The following CRB1 variants were observed in gnomAD, a reference collection of about 807,000 sequenced individuals.
CRB1 encodes crumbs cell polarity complex component 1, also known as protein crumbs homolog 1.
A neutral mutation model predicts 120.0 loss-of-function variants in CRB1; 83 were observed. The ratio of observed to expected loss-of-function variants is 0.69; its 90% CI spans 0.58 to 0.83. CRB1 has a LOEUF of 0.83. Among genes scored for constraint, CRB1 ranks in the 40% least tolerant of loss-of-function variants. The pLI is 0.00. For synonymous variants in CRB1, 625 were observed against 612.5 expected, an observed-to-expected ratio of 1.02 and a Z score of -0.30; for missense variants, 1,699 against 1,687.6, an observed-to-expected ratio of 1.01 and a Z score of -0.12.
Position 197,421,802 on chromosome 1 carries a change from C to G in CRB1, c.1974C>G (p.Ile658Met). Residue 658 changes from isoleucine (I) to methionine (M), a missense_variant, in exon 6 of 12, where the codon ATC becomes ATG. Coordinates refer to ENST00000367400, the MANE Select transcript of CRB1 (RefSeq NM_201253.3). ...IDWNHITLENISSGSSLNVKA... is the reference protein window; with the variant it reads ...IDWNHITLENMSSGSSLNVKA... ...GGAATCACATTACCCTGGAGAACAT[C>G]TCGTCTGGCTCATCATTAAATGTCA... 1 of 1,614,180 alleles carries G rather than the reference C, an allele frequency of 6.2e-7. No homozygotes were observed. Among genetic ancestry groups the G allele is most frequent in the Non-Finnish European group, 8.5e-7 (1 of 1,180,030 alleles).
chr1:197,271,736 C>T (rs1388224236), intron 1 of CRB1, among the ~76,000 whole-genome samples: 1 of 151,886 alleles, frequency 6.6e-6, no homozygotes, highest in Non-Finnish European at 1.5e-5. Context: ...CTTTTTGGGA[C>T]CTTGATGTAT....
At chr1:197,268,534 T>G in intron 1 of CRB1, 52 bp downstream of exon 1, 1 of 1,275,510 alleles carries the variant, frequency 7.8e-7, no homozygotes, top group Non-Finnish European at 1.1e-6. Flanking sequence ...TGGCTTATTA[T>G]ATTTCTTACA....
At chr1:197,266,280 G>A (rs2125191918), upstream of CRB1, among the ~76,000 whole-genome samples, 1 of 152,224 alleles carries the variant, frequency 6.6e-6, no homozygotes, top group East Asian at 1.9e-4. Flanking sequence ...CAAGGTACCA[G>A]CAAATTTGGT....
At chr1:197,353,539 G>T (rs556145633) in intron 4 of CRB1, among the ~76,000 whole-genome samples, 2 of 152,154 alleles carry the variant, frequency 1.3e-5, no homozygotes, top group African/African-American at 4.8e-5. Context: ...GGTGGCTCAC[G>T]CCTGTAATCC....
chr1:197,306,764 G>C (rs1657196630), intron 1 of CRB1, among the ~76,000 whole-genome samples: 2 of 152,202 alleles, frequency 1.3e-5, no homozygotes, highest in East Asian at 3.9e-4. Flanking sequence ...AAGTCAAGTA[G>C]AGAGGGGTCT....
At chr1:197,360,879 TA>T (rs554447308) in intron 5 of CRB1, among the ~76,000 whole-genome samples, 7 of 152,260 alleles carry the variant, frequency 4.6e-5, no homozygotes, top group Non-Finnish European at 1.0e-4. Flanking sequence ...TTCAGTCTTT[TA>T]CCATTAGCTA....
rs752824817 is a variant in CRB1 at position 197,427,497 on chromosome 1, T to A, written c.2172T>A (p.Tyr724Ter). 1 of 1,613,994 alleles carries A rather than the reference T, an allele frequency of 6.2e-7. No homozygotes were observed. The highest frequency in any genetic ancestry group is 2.2e-5 in the East Asian group (1 of 44,878). The change falls in exon 7 of 12, where the codon TAT (tyrosine) becomes TAA (stop). Residue 724 changes from tyrosine (Y) to a stop codon, truncating the protein, a stop_gained. Transcript: ENST00000367400. LOFTEE classifies it high-confidence loss of function. ...TTGGCCAGGATGACTCCACTGGTTA[T>A]GTCATCTTTACTCTTGATGAGAGCT... ...GRFGQDDSTGYVIFTLDESYG... is the reference protein window; with the variant it reads ...GRFGQDDSTG
At chr1:197,287,807 T>C (rs762612632) in intron 1 of CRB1, among the ~76,000 whole-genome samples, 2 of 151,870 alleles carry the variant, frequency 1.3e-5, no homozygotes, top group Non-Finnish European at 2.9e-5. Context: ...TTTACAATTA[T>C]ATTCTGAAGA....
chr1:197,437,386 C>T (rs1665215698), intron 9 of CRB1, among the ~76,000 whole-genome samples: 1 of 152,054 alleles, frequency 6.6e-6, no homozygotes, highest in African/African-American at 2.4e-5. Context: ...AATTCAGGAT[C>T]AAATTTAGTA....
chr1:197,376,588 C>T (rs997097270), intron 5 of CRB1, among the ~76,000 whole-genome samples: 14 of 152,122 alleles, frequency 9.2e-5, no homozygotes, highest in African/African-American at 2.7e-4. Context: ...TTGTTGGCTT[C>T]TCCTTTAAGC....
At chr1:197,268,149 A>C (rs1248114561), upstream of CRB1, 10 of 440,628 alleles carry the variant, frequency 2.3e-5, no homozygotes, top group South Asian at 1.9e-4. Flanking sequence ...TTGAGGGGGG[A>C]ATGAATCCAA....
At chr1:197,294,295 C>T (rs1158482520) in intron 1 of CRB1, among the ~76,000 whole-genome samples, 1 of 152,012 alleles carries the variant, frequency 6.6e-6, no homozygotes, top group East Asian at 1.9e-4. Flanking sequence ...TTTCTGCAGC[C>T]AACAGACACA....
intron 5 of CRB1, among the ~76,000 whole-genome samples, chr1:197,370,651 G>T (rs1489397251): frequency 2.6e-5 from 4 of 152,132 alleles, no homozygotes; most frequent in Non-Finnish European, 4.4e-5. Context: ...CAAAACCTCT[G>T]GGATACAGCA....
At chr1:197,327,161 A>G (rs1201841798) in intron 1 of CRB1, among the ~76,000 whole-genome samples, 12 of 148,650 alleles carry the variant, frequency 8.1e-5, no homozygotes, top group African/African-American at 2.5e-4. Context: ...GAGGCAGAGC[A>G]GGCCTGGTAC....
intron 11 of CRB1, among the ~76,000 whole-genome samples, chr1:197,450,497 G>A (rs1351054194): frequency 6.6e-6 from 1 of 152,072 alleles, no homozygotes; most frequent in Non-Finnish European, 1.5e-5. Context: ...AGTGAGCATA[G>A]TAACCCAACA....
intron 4 of CRB1, among the ~76,000 whole-genome samples, chr1:197,356,566 A>C (rs993776010): frequency 1.3e-5 from 2 of 152,248 alleles, no homozygotes; most frequent in Non-Finnish European, 2.9e-5. Context: ...AATCCAGGTT[A>C]TCCTGACATC....
At chr1:197,298,892 G>A (rs1349749266) in intron 1 of CRB1, among the ~76,000 whole-genome samples, 1 of 151,658 alleles carries the variant, frequency 6.6e-6, no homozygotes, top group Non-Finnish European at 1.5e-5. Flanking sequence ...TTAATTACAT[G>A]GGAAAAGCAA....
intron 10 of CRB1, chr1:197,440,262 C>G (rs1336558029): frequency 6.6e-6 from 1 of 152,202 alleles, no homozygotes; most frequent in East Asian, 1.9e-4. Context: ...CTCTGCCACT[C>G]ACACATTGTT....
intron 5 of CRB1, among the ~76,000 whole-genome samples, chr1:197,377,558 T>C (rs1661713888): frequency 6.6e-6 from 1 of 152,222 alleles, no homozygotes; most frequent in South Asian, 2.1e-4. Flanking sequence ...TTGCTCTAAT[T>C]ATAGTGTATG....
Sources: allele counts gnomAD v4.1 joint callset (sites outside exome capture counted in the v4.1 genomes callset), GRCh38; gene constraint gnomAD v4.1.1; transcripts MANE v1.5; gene names NCBI Gene and HGNC (gene_info 2026-07-23, HGNC 2026-07-21).